FOXN3: variants seen among roughly 807,000 people sequenced by gnomAD.
FOXN3 encodes the protein forkhead box protein N3.
In FOXN3, 7 loss-of-function variants were observed where a neutral mutation model predicts 38.4. That is an observed-to-expected ratio of 0.18 (90% CI 0.10 to 0.34). The LOEUF is 0.34. Among genes scored for constraint, FOXN3 ranks in the 10% least tolerant of loss-of-function variants. The pLI, the probability that FOXN3 is intolerant of heterozygous loss-of-function variation, is 1.00. For missense variants in FOXN3, 456 were observed against 613.4 expected (o/e 0.74, Z 2.71); for synonymous variants, 230 against 242.2 (o/e 0.95, Z 0.47).
At chr14:89,312,688 C>G (rs571033334) in intron 3 of FOXN3, among the ~76,000 whole-genome samples, 5 of 152,176 alleles carry the variant, frequency 3.3e-5, no homozygotes, top group African/African-American at 9.7e-5. Context: ...TCCCACCACA[C>G]CTTGCTAGCT....
intron 3 of FOXN3, among the ~76,000 whole-genome samples, chr14:89,309,537 T>C (rs898315734): frequency 1.4e-5 from 2 of 144,478 alleles, no homozygotes; most frequent in African/African-American, 5.2e-5. Flanking sequence ...AACACTTCGT[T>C]AACTGGGTAT....
chr14:89,297,136 A>C (rs1887063144), intron 3 of FOXN3, among the ~76,000 whole-genome samples: 1 of 152,218 alleles, frequency 6.6e-6, no homozygotes, highest in Non-Finnish European at 1.5e-5. Flanking sequence ...AACAAGAGGA[A>C]AGGCAAGTAA....
chr14:89,506,085 C>T (rs1596301163), intron 1 of FOXN3, among the ~76,000 whole-genome samples: 1 of 145,422 alleles, frequency 6.9e-6, no homozygotes, highest in Admixed American at 6.7e-5. Context: ...GGGTCAGCCC[C>T]CCGCCCGGCC....
At chr14:89,489,502 G>A (rs1384360187) in intron 1 of FOXN3, among the ~76,000 whole-genome samples, 1 of 152,058 alleles carries the variant, frequency 6.6e-6, no homozygotes, top group African/African-American at 2.4e-5. Flanking sequence ...AGCATTTCAA[G>A]GTAAATCTTT....
chr14:89,162,682 T>C lies in FOXN3; in HGVS notation c.1139A>G (p.Gln380Arg). Residue 380 changes from glutamine to arginine, a missense_variant, in exon 6 of 6, where the codon CAG (glutamine) becomes CGG (arginine). Physicochemically the swap from Gln to Arg is conservative, Grantham distance 43. Around this residue, in one of 3 missense-constraint regions of FOXN3, gnomAD observed 386 missense variants for 505.2 expected, o/e 0.76. Coordinates refer to ENST00000557258, the MANE Select transcript of FOXN3 (RefSeq NM_005197.4). This position sits in a 1 kb window ranked among gnomAD's most constrained non-coding sequence, Gnocchi z 7.2. ...CCCCAGAGAATCCTTGGGCTCCTTC[T>C]GGCTGTGCTTCCTGTCGTCCTCTTC... ...DTEEDDRKHS[Q>R]KEPKDSLGDS... 6.2e-7 allele frequency: 1 copy of C among 1,614,152 alleles called. No homozygotes were observed. The highest frequency in any genetic ancestry group is 8.5e-7 in the Non-Finnish European group (1 of 1,180,012).
intron 1 of FOXN3, among the ~76,000 whole-genome samples, chr14:89,571,503 T>A (rs1385259098): frequency 6.8e-6 from 1 of 147,724 alleles, no homozygotes. Flanking sequence ...AGTGAGACTC[T>A]GTCTCACAAA....
intron 1 of FOXN3, among the ~76,000 whole-genome samples, chr14:89,555,558 C>G (rs1895099477): frequency 6.6e-6 from 1 of 152,114 alleles, no homozygotes; most frequent in Non-Finnish European, 1.5e-5. Context: ...ACTGCATGTT[C>G]ATATCTTAGG....
chr14:89,491,864 C>T (rs1040382375), intron 1 of FOXN3, among the ~76,000 whole-genome samples: 1 of 152,208 alleles, frequency 6.6e-6, no homozygotes, highest in African/African-American at 2.4e-5. Context: ...CCTCTAAGTA[C>T]TGCCAAGATT....
chr14:89,213,184 C>G (rs1215248560), intron 4 of FOXN3, among the ~76,000 whole-genome samples: 1 of 152,218 alleles, frequency 6.6e-6, no homozygotes, highest in East Asian at 1.9e-4. Context: ...ACCTTCCATA[C>G]AGCATTGCCT....
rs1049935066 is a variant in FOXN3 at position 89,505,356 on chromosome 14, G to A, written c.-14-92866C>T. Among the ~76,000 whole-genome samples, 9 of 150,652 alleles carry A rather than the reference G, an allele frequency of 6.0e-5. No homozygotes were observed. The East Asian group carries it at 1.8e-3, about 30-fold the overall frequency. On this transcript the variant is annotated intron_variant, in intron 1 of 6. Transcript: ENST00000345097. Reference sequence around the variant, plus strand: ...GCTGGACTGTGCTGCTGCCATCTCGGCTCACTGCAACCTCCCTGCCTGTTT... The same window carrying A: ...GCTGGACTGTGCTGCTGCCATCTCGACTCACTGCAACCTCCCTGCCTGTTT...
At position 89,453,327 on chromosome 14, in the gene FOXN3, C is replaced by T. The variant is rs867480465; in HGVS notation, c.-14-40837G>A. Among the ~76,000 whole-genome samples the T allele has an allele frequency of 3.2e-4, 48 of 151,860 alleles. No individual in the cohort carries two copies. In the Middle Eastern group the frequency reaches 0.017, roughly 54 times the overall value. On this transcript the variant is annotated intron_variant, in intron 1 of 6. Transcript: ENST00000345097. ...ATCCCAGCACTTTGGGAGGCCGAGG[C>T]GGGCAGGTCATGAGGTCAGGAGATT...
At chr14:89,308,223 C>T (rs1315817643) in intron 3 of FOXN3, among the ~76,000 whole-genome samples, 1 of 152,194 alleles carries the variant, frequency 6.6e-6, no homozygotes, top group African/African-American at 2.4e-5. Flanking sequence ...GAGACTGTAC[C>T]ACTGCACTCC....
chr14:89,412,192 G>C lies in FOXN3; in HGVS notation c.285C>G (p.Pro95=), dbSNP rs563426067. The part of the protein sequence containing the change: ...SPVQDLDDDT[P]PSPAHSDMPY... ...GCATGTCAGAGTGGGCAGGGGATGG[G>C]GGGGTGTCATCGTCCAGGTCCTGGA... The change falls in exon 2 of 6, where the codon CCC becomes CCG. Residue 95 remains proline, a synonymous_variant. Coordinates refer to ENST00000557258, the MANE Select transcript of FOXN3 (RefSeq NM_005197.4). This position sits in a 1 kb window ranked among gnomAD's most constrained non-coding sequence, Gnocchi z 4.7. 5 of 1,613,678 alleles carry C rather than the reference G, an allele frequency of 3.1e-6. No homozygotes were observed. Among genetic ancestry groups the C allele is most frequent in the South Asian group, 2.2e-5 (2 of 91,064 alleles).
intron 1 of FOXN3, among the ~76,000 whole-genome samples, chr14:89,553,238 CAAAAAAAAAA>C (rs146581490): frequency 1.3e-5 from 1 of 79,034 alleles, no homozygotes; most frequent in Non-Finnish European, 2.4e-5. Context: ...GACCCTGTCC[CAAAAAAAAAA>C]AAAAAAAAAA....
intron 1 of FOXN3, among the ~76,000 whole-genome samples, chr14:89,591,167 C>T (rs1037913438): frequency 2.0e-5 from 3 of 152,116 alleles, no homozygotes; most frequent in East Asian, 1.9e-4. Context: ...GAAAAGGGAT[C>T]GCCTTATTTC....
intron 4 of FOXN3, among the ~76,000 whole-genome samples, chr14:89,242,864 C>T (rs1885180954): frequency 1.3e-5 from 2 of 152,228 alleles, no homozygotes; most frequent in South Asian, 4.1e-4. Flanking sequence ...AACCAAAACA[C>T]TCTCGTGAAA....
intron 1 of FOXN3, among the ~76,000 whole-genome samples, chr14:89,526,353 GT>G (rs961998243): frequency 6.6e-6 from 1 of 152,108 alleles, no homozygotes; most frequent in African/African-American, 2.4e-5. Flanking sequence ...CATTATCTTT[GT>G]AGAAAATCCC....
rs192227797 is a variant in FOXN3, at chr14:89,393,580, G to A, written c.543+18354C>T. On this transcript the variant is annotated intron_variant, in intron 2 of 5. Coordinates refer to ENST00000557258, the MANE Select transcript of FOXN3 (RefSeq NM_005197.4). ...CCATGGCCACATGGCGGCCAGAAAC[G>A]GAGCTCCCCCATAAACCACCACACC... Among the ~76,000 whole-genome samples the A allele has an allele frequency of 1.8e-3, 279 of 152,290 alleles. 1 individual carries two copies. Among genetic ancestry groups the A allele is most frequent in the African/African-American group, 6.3e-3 (263 of 41,544 alleles).
intron 1 of FOXN3, among the ~76,000 whole-genome samples, chr14:89,517,897 A>C (rs1032076549): frequency 2.6e-5 from 4 of 152,194 alleles, no homozygotes; most frequent in Admixed American, 1.3e-4. Context: ...TTATTTCTTC[A>C]CTGAAGGCTG....
Sources: allele counts gnomAD v4.1 joint callset (sites outside exome capture counted in the v4.1 genomes callset), GRCh38; gene constraint gnomAD v4.1.1; regional missense constraint gnomAD v4.1.1; non-coding constraint Gnocchi (gnomAD v3.1); transcripts MANE v1.5; gene names NCBI Gene and HGNC (gene_info 2026-07-23, HGNC 2026-07-21).